The following INPP5A variants were observed in gnomAD, a reference collection of about 807,000 sequenced individuals.
INPP5A encodes 43 kDa inositol polyphosphate 5-phophatase.
INPP5A carries 14 observed loss-of-function variants against 65.2 expected under a neutral mutation model. That is an observed-to-expected ratio of 0.21 (90% CI 0.14 to 0.34). The LOEUF (loss-of-function observed/expected upper bound fraction) is 0.34, where lower values mean the gene tolerates loss of function less well. Ranked by LOEUF, INPP5A falls within the 10% of genes least tolerant of loss-of-function variation. The probability of loss-of-function intolerance (pLI) is 1.00; values close to 1 mark genes in which losing one functional copy is unlikely to be tolerated. For synonymous variants in INPP5A, 207 were observed against 208.3 expected (o/e 0.99, Z 0.05); for missense variants, 431 against 545.6 (o/e 0.79, Z 2.09).
rs1846265572 is a variant in INPP5A, at chr10:132,741,274, C to CGT, written c.733-8242_733-8241insTG. On this transcript the variant is annotated intron_variant, in intron 9 of 15. Coordinates refer to ENST00000368594, the MANE Select transcript of INPP5A (RefSeq NM_005539.5). This position sits in a 1 kb window ranked among gnomAD's most constrained non-coding sequence, Gnocchi z 4.4. The stretch of plus-strand genomic sequence containing the variant: ...TAGAGATAAATAAAAAAAGGGACAC[C>CGT]GCCTGTCTTGGGTTGACAGCATGAG... Among the ~76,000 whole-genome samples, 2 of 152,260 alleles carry CGT rather than the reference C, an allele frequency of 1.3e-5. No individual in the cohort carries two copies. The highest frequency in any genetic ancestry group is 4.1e-4 in the South Asian group (2 of 4,826).
chr10:132,718,152 T>C (rs1374860339), intron 8 of INPP5A, among the ~76,000 whole-genome samples: 1 of 146,974 alleles, frequency 6.8e-6, no homozygotes, highest in Non-Finnish European at 1.5e-5. Flanking sequence ...ACAGCTGTCT[T>C]CAGGGTTCTG....
intron 11 of INPP5A, among the ~76,000 whole-genome samples, chr10:132,755,642 GTGCA>G (rs1453405799): frequency 6.6e-6 from 1 of 152,054 alleles, no homozygotes; most frequent in Admixed American, 6.6e-5. Flanking sequence ...GAGCAGGCGT[GTGCA>G]TGCATGAGCG....
In INPP5A at chr10:132,707,668, C is replaced by A. The variant is rs910413372; in HGVS notation, c.475-645C>A. ...GAGCCCTGCCACCTCTTAAAGAACA[C>A]CCCTCTTTGGAATCTCATGCTGTTG... On this transcript the variant is annotated intron_variant, in intron 6 of 15. Coordinates refer to ENST00000368594, the MANE Select transcript of INPP5A (RefSeq NM_005539.5). This position sits in a 1 kb window ranked among gnomAD's most constrained non-coding sequence, Gnocchi z 5.5. Among the ~76,000 whole-genome samples the A allele has an allele frequency of 6.6e-6, 1 of 152,182 alleles. No homozygotes were observed. Among genetic ancestry groups the A allele is most frequent in the Non-Finnish European group, 1.5e-5 (1 of 68,036 alleles).
At chr10:132,566,412 C>T (rs532567030) in intron 1 of INPP5A, among the ~76,000 whole-genome samples, 38 of 152,214 alleles carry the variant, frequency 2.5e-4, no homozygotes, top group Non-Finnish European at 4.6e-4. Context: ...TACGGAGGCC[C>T]GACAGAAGGT....
chr10:132,685,196 G>T lies in INPP5A; in HGVS notation c.307-5196G>T, dbSNP rs577377217. Among the ~76,000 whole-genome samples the T allele has an allele frequency of 2.0e-5, 3 of 152,366 alleles. No individual in the cohort carries two copies. The South Asian group carries it at 6.2e-4, about 32-fold the overall frequency. On this transcript the variant is annotated intron_variant, in intron 4 of 15. Transcript: ENST00000368594. ...CTGTTGATAAGCACGGTCGGCCTTA[G>T]TCAGGGCTCCCCTGGGCCGCGGGCC...
chr10:132,630,255 A>G (rs2072247496), intron 2 of INPP5A, among the ~76,000 whole-genome samples: 1 of 151,538 alleles, frequency 6.6e-6, no homozygotes. Flanking sequence ...CATGAGGGGA[A>G]GGCGTCCATG....
At chr10:132,662,195 G>A (rs1345338977) in intron 4 of INPP5A, among the ~76,000 whole-genome samples, 6 of 152,142 alleles carry the variant, frequency 3.9e-5, no homozygotes, top group South Asian at 2.1e-4. Flanking sequence ...CACTGCAGCC[G>A]TCGTGTTAGT....
rs1328311023 is a variant in INPP5A, at chr10:132,707,854, A to T, written c.475-459A>T. On this transcript the variant is annotated intron_variant, in intron 6 of 15. Coordinates refer to ENST00000368594, the MANE Select transcript of INPP5A (RefSeq NM_005539.5). This position sits in a 1 kb window ranked among gnomAD's most constrained non-coding sequence, Gnocchi z 5.5. ...TGAGAGGCATCGGTGGGTGGTGGGGATCAGTGAGAGACCACACACACTGTT... is the reference window on the plus strand; with the variant it reads ...TGAGAGGCATCGGTGGGTGGTGGGGTTCAGTGAGAGACCACACACACTGTT... Among the ~76,000 whole-genome samples, 1 of 152,052 alleles carries T rather than the reference A, an allele frequency of 6.6e-6. No individual in the cohort carries two copies. Among genetic ancestry groups the T allele is most frequent in the Non-Finnish European group, 1.5e-5 (1 of 68,016 alleles).
chr10:132,611,923 G>T, intron 2 of INPP5A, among the ~76,000 whole-genome samples: 1 of 138,820 alleles, frequency 7.2e-6, no homozygotes, highest in Non-Finnish European at 1.6e-5. Context: ...AGGTGAGGGG[G>T]GCAGGGGAGA....
At chr10:132,658,270 C>T (rs956438237) in intron 4 of INPP5A, among the ~76,000 whole-genome samples, 1 of 152,146 alleles carries the variant, frequency 6.6e-6, no homozygotes, top group African/African-American at 2.4e-5. Context: ...TTATTTACTT[C>T]CTAAAAGTGT....
chr10:132,602,694 G>A (rs546156571), intron 1 of INPP5A, among the ~76,000 whole-genome samples: 9 of 152,240 alleles, frequency 5.9e-5, no homozygotes, highest in South Asian at 2.1e-4. Flanking sequence ...GTTCCCATTC[G>A]GGTACCTTTT....
chr10:132,564,059 T>C (rs912791091), intron 1 of INPP5A, among the ~76,000 whole-genome samples: 15 of 152,202 alleles, frequency 9.9e-5, no homozygotes, highest in African/African-American at 3.6e-4. Flanking sequence ...GGTGTGAGGA[T>C]GCCTTCTCAG....
intron 2 of INPP5A, among the ~76,000 whole-genome samples, chr10:132,636,378 G>A (rs1191330896): frequency 3.9e-5 from 6 of 152,208 alleles, no homozygotes; most frequent in Admixed American, 1.3e-4. Context: ...GTGTGCACAC[G>A]ATTCGAGTGG....
intron 1 of INPP5A, among the ~76,000 whole-genome samples, chr10:132,586,461 A>C (rs1204163656): frequency 6.6e-6 from 1 of 152,170 alleles, no homozygotes; most frequent in Non-Finnish European, 1.5e-5. Context: ...CAGGGTGGGC[A>C]CGACACGCCG....
rs961007587 is a variant in INPP5A, at chr10:132,549,183, C to T, written c.75+11012C>T. On this transcript the variant is annotated intron_variant, in intron 1 of 15. Coordinates refer to ENST00000368594, the MANE Select transcript of INPP5A (RefSeq NM_005539.5). This position sits in a 1 kb window ranked among gnomAD's most constrained non-coding sequence, Gnocchi z 4.9. ...GCCCACAGATGGACGTCGGGGCTAT[C>T]GTGGCTAGTGTACTGTTTGTGAATA... 1.8e-4 allele frequency among the ~76,000 whole-genome samples: 28 copies of T among 152,138 alleles called. 1 individual carries two copies. Among genetic ancestry groups the T allele is most frequent in the African/African-American group, 4.8e-4 (20 of 41,426 alleles).
At chr10:132,760,850 CTG>C (rs982479713) in intron 11 of INPP5A, among the ~76,000 whole-genome samples, 6 of 152,198 alleles carry the variant, frequency 3.9e-5, no homozygotes, top group African/African-American at 1.4e-4. Flanking sequence ...AGGTCTAACT[CTG>C]TGGCAGACAG....
At chr10:132,580,236 C>A (rs534656137) in intron 1 of INPP5A, among the ~76,000 whole-genome samples, 2 of 152,306 alleles carry the variant, frequency 1.3e-5, no homozygotes, top group African/African-American at 4.8e-5. Context: ...CAAATTGTAA[C>A]CCCAGTGTTG....
chr10:132,742,905 T>G (rs904315222), intron 9 of INPP5A, among the ~76,000 whole-genome samples: 4 of 152,066 alleles, frequency 2.6e-5, no homozygotes, highest in African/African-American at 9.7e-5. Context: ...TTTAGAAGAG[T>G]TTCTTTTCAG....
Position 132,547,148 on chromosome 10 carries a change from A to G in INPP5A, c.75+8977A>G, listed in dbSNP as rs2070985626. Among the ~76,000 whole-genome samples the G allele has an allele frequency of 6.6e-6, 1 of 151,920 alleles. No individual in the cohort carries two copies. The highest frequency in any genetic ancestry group is 2.1e-4 in the South Asian group (1 of 4,818). ...TTCACGTGGATGCGGGGCAGGCCCC[A>G]CCTCTCCTCGCATGTGCGGCCTTGG... On this transcript the variant is annotated intron_variant, in intron 1 of 15. Coordinates refer to ENST00000368594, the MANE Select transcript of INPP5A (RefSeq NM_005539.5). This position sits in a 1 kb window ranked among gnomAD's most constrained non-coding sequence, Gnocchi z 5.5.
Sources: allele counts gnomAD v4.1 joint callset (sites outside exome capture counted in the v4.1 genomes callset), GRCh38; gene constraint gnomAD v4.1.1; non-coding constraint Gnocchi (gnomAD v3.1); transcripts MANE v1.5; gene names NCBI Gene and HGNC (gene_info 2026-07-23, HGNC 2026-07-21).